CCDC85A: variants seen among roughly 807,000 people sequenced by gnomAD.
CCDC85A encodes the protein coiled-coil domain-containing protein 85A.
CCDC85A carries 38 observed loss-of-function variants against 50.2 expected under a neutral mutation model. That is an observed-to-expected ratio of 0.76 (90% CI 0.58 to 0.99). The LOEUF is 0.99. Among genes scored for constraint, CCDC85A ranks in the 50% least tolerant of loss-of-function variants. The probability of loss-of-function intolerance (pLI) is 0.00; values close to 1 mark genes in which losing one functional copy is unlikely to be tolerated. For missense variants in CCDC85A, 820 were observed against 742.0 expected (o/e 1.11, Z -1.22); for synonymous variants, 366 against 301.4 (o/e 1.21, Z -2.22).
At chr2:56,354,759 A>T (rs1380340639) in intron 3 of CCDC85A, among the ~76,000 whole-genome samples, 1 of 152,218 alleles carries the variant, frequency 6.6e-6, no homozygotes, top group Non-Finnish European at 1.5e-5. Context: ...TGTTAGCTTA[A>T]TTGTTTCACT....
intron 2 of CCDC85A, among the ~76,000 whole-genome samples, chr2:56,213,620 G>A (rs1409862197): frequency 6.6e-6 from 1 of 151,830 alleles, no homozygotes; most frequent in East Asian, 1.9e-4. Flanking sequence ...CCGGGCTCTA[G>A]GATCTAGGCC....
intron 2 of CCDC85A, among the ~76,000 whole-genome samples, chr2:56,277,146 A>T (rs749255069): frequency 6.6e-6 from 1 of 152,152 alleles, no homozygotes; most frequent in Non-Finnish European, 1.5e-5. Flanking sequence ...TTAAATGAGG[A>T]AGCTGGATCC....
chr2:56,330,326 G>GT (rs1673719747), intron 2 of CCDC85A, among the ~76,000 whole-genome samples: 1 of 152,144 alleles, frequency 6.6e-6, no homozygotes, highest in African/African-American at 2.4e-5. Context: ...AAAGGGAAGA[G>GT]TAAAAGTGAA....
At chr2:56,334,189 T>C (rs1356353713) in intron 2 of CCDC85A, among the ~76,000 whole-genome samples, 1 of 152,154 alleles carries the variant, frequency 6.6e-6, no homozygotes, top group African/African-American at 2.4e-5. Flanking sequence ...TTGTATTTGG[T>C]TTTTACTGCC....
chr2:56,211,635 G>C (rs538515962), intron 2 of CCDC85A, among the ~76,000 whole-genome samples: 1 of 151,968 alleles, frequency 6.6e-6, no homozygotes, highest in African/African-American at 2.4e-5. Context: ...TTGGGAGAAG[G>C]CATCACAATT....
chr2:56,223,895 CT>C (rs1668433762), intron 2 of CCDC85A, among the ~76,000 whole-genome samples: 2 of 152,038 alleles, frequency 1.3e-5, no homozygotes, highest in South Asian at 4.1e-4. Flanking sequence ...CACCTTTAGG[CT>C]GCTAACTGGC....
intron 5 of CCDC85A, 60 bp downstream of exon 5, chr2:56,375,995 G>C (rs1676318197): frequency 6.4e-7 from 1 of 1,552,306 alleles, no homozygotes; most frequent in African/African-American, 1.4e-5. Flanking sequence ...CTTGTTCGCT[G>C]TAGTCTAGTA....
intron 2 of CCDC85A, among the ~76,000 whole-genome samples, chr2:56,299,980 G>A (rs1276262629): frequency 6.6e-6 from 1 of 152,176 alleles, no homozygotes; most frequent in Non-Finnish European, 1.5e-5. Flanking sequence ...TCTAGAAAAA[G>A]GAGAAAGAAT....
At chr2:56,367,072 T>C (rs906366961) in intron 3 of CCDC85A, among the ~76,000 whole-genome samples, 1 of 152,168 alleles carries the variant, frequency 6.6e-6, no homozygotes, top group Non-Finnish European at 1.5e-5. Context: ...AATTGTTAAG[T>C]AAGCTTTATG....
chr2:56,385,616 T>C lies in CCDC85A; in HGVS notation c.*1261T>C, dbSNP rs1255233575. The C allele has an allele frequency of 6.6e-6, 1 of 152,298 alleles. No homozygotes were observed. Among genetic ancestry groups the C allele is most frequent in the East Asian group, 1.9e-4 (1 of 5,144 alleles). 9.4% of individuals were successfully genotyped at this position (152,298 alleles called of 1,614,324 possible). ...AAAGTAGAAATGCAACAATTCCCAG[T>C]TTTTGGATAGGTTCTAAATTTCTGA... is the stretch of plus-strand genomic sequence containing the variant. On this transcript the variant is annotated 3_prime_UTR_variant, in exon 6 of 6. Coordinates refer to ENST00000407595, the MANE Select transcript of CCDC85A (RefSeq NM_001080433.2).
chr2:56,269,044 C>T (rs1670583635), intron 2 of CCDC85A, among the ~76,000 whole-genome samples: 3 of 152,128 alleles, frequency 2.0e-5, no homozygotes, highest in African/African-American at 7.2e-5. Context: ...GCTCTGAATA[C>T]TTATTTCAGG....
chr2:56,188,753 A>G (rs2216326), intron 1 of CCDC85A, among the ~76,000 whole-genome samples: 60,245 of 152,152 alleles, frequency 0.4, 12,818 homozygotes, highest in Non-Finnish European at 0.49. Flanking sequence ...GCTGAAAACA[A>G]TAAGAAATTC....
intron 2 of CCDC85A, among the ~76,000 whole-genome samples, chr2:56,318,726 C>T (rs1278284838): frequency 2.6e-5 from 4 of 152,102 alleles, no homozygotes; most frequent in Non-Finnish European, 5.9e-5. Context: ...TTCAATGGTA[C>T]TCCAAAACAT....
chr2:56,269,821 C>T (rs1428929835), intron 2 of CCDC85A, among the ~76,000 whole-genome samples: 1 of 152,130 alleles, frequency 6.6e-6, no homozygotes, highest in Non-Finnish European at 1.5e-5. Context: ...ACATCCATTT[C>T]CTCTCTTGCG....
At chr2:56,303,363 G>A (rs189456668) in intron 2 of CCDC85A, among the ~76,000 whole-genome samples, 5 of 152,218 alleles carry the variant, frequency 3.3e-5, no homozygotes, top group East Asian at 1.9e-4. Flanking sequence ...AACCCAGGGG[G>A]CATCAGTTGT....
intron 2 of CCDC85A, among the ~76,000 whole-genome samples, chr2:56,286,406 A>T (rs944721290): frequency 3.9e-5 from 6 of 152,192 alleles, no homozygotes; most frequent in Non-Finnish European, 8.8e-5. Context: ...TTTTTAAAAA[A>T]TTTTTTTAAA....
intron 2 of CCDC85A, among the ~76,000 whole-genome samples, chr2:56,250,877 GTCA>G (rs1669722720): frequency 6.6e-6 from 1 of 152,156 alleles, no homozygotes; most frequent in African/African-American, 2.4e-5. Flanking sequence ...TACTGTAAAT[GTCA>G]TCTTTTTTTT....
chr2:56,329,912 C>T (rs997722637), intron 2 of CCDC85A, among the ~76,000 whole-genome samples: 5 of 69,762 alleles, frequency 7.2e-5, no homozygotes, highest in South Asian at 5.3e-4. Context: ...TATAGGTTTA[C>T]TTTCTTGAAA....
intron 2 of CCDC85A, among the ~76,000 whole-genome samples, chr2:56,285,446 T>C (rs895877015): frequency 1.4e-5 from 2 of 142,478 alleles, no homozygotes; most frequent in African/African-American, 5.1e-5. Context: ...ATTATATTAA[T>C]AATATAATTA....
Sources: gnomAD v4.1 joint callset for allele counts (sites outside exome capture counted in the v4.1 genomes callset) on GRCh38, gnomAD v4.1.1 for gene constraint, MANE v1.5 for transcripts, NCBI Gene and HGNC (gene_info 2026-07-23, HGNC 2026-07-21) for gene names.